The following SLCO1B3 variants were observed in gnomAD, a reference collection of about 807,000 sequenced individuals.
SLCO1B3 encodes the protein liver-specific organic anion transporter 2.
Under a neutral mutation model 71.8 loss-of-function variants are expected in SLCO1B3, and 72 were observed. The ratio of observed to expected loss-of-function variants is 1.00; its 90% confidence interval spans 0.83 to 1.22. The LOEUF is 1.22. Ranked by LOEUF, SLCO1B3 falls within the 50% of genes most tolerant of loss-of-function variation. The pLI, the probability that SLCO1B3 is intolerant of heterozygous loss-of-function variation, is 0.00. For missense variants in SLCO1B3, 911 were observed against 819.7 expected, an observed-to-expected ratio of 1.11 and a Z score of -1.36; for synonymous variants, 298 against 278.4, an observed-to-expected ratio of 1.07 and a Z score of -0.70.
In SLCO1B3 at chr12:20,854,276, A is replaced by G. The variant is rs114281070; in HGVS notation, c.85-752A>G. 2.6e-3 allele frequency among the ~76,000 whole-genome samples: 395 copies of G among 150,356 alleles called. 2 individuals carry two copies. The highest frequency in any genetic ancestry group is 8.8e-3 in the African/African-American group (363 of 41,248). On this transcript the variant is annotated intron_variant, in intron 3 of 15. Coordinates refer to ENST00000381545, the MANE Select transcript of SLCO1B3 (RefSeq NM_019844.4). ...ATGATAGTCTCCCTGGTTGTTCTGT[A>G]TATGAATGAATGCAGGATATTGAAG...
At chr12:20,862,715 T>A in intron 7 of SLCO1B3, 41 bp from the exon 8 acceptor site, 1 of 1,519,792 alleles carries the variant, frequency 6.6e-7, no homozygotes, top group East Asian at 2.3e-5. Context: ...GAAAACCAAG[T>A]ATTTGTGACA....
intron 8 of SLCO1B3, among the ~76,000 whole-genome samples, chr12:20,872,741 G>A (rs1377649727): frequency 6.6e-6 from 1 of 152,040 alleles, no homozygotes; most frequent in African/African-American, 2.4e-5. Context: ...CCATGAGTTA[G>A]GGCCTCAAAA....
intron 15 of SLCO1B3, among the ~76,000 whole-genome samples, chr12:20,915,125 A>C (rs1866466257): frequency 6.6e-6 from 1 of 151,268 alleles, no homozygotes; most frequent in South Asian, 2.1e-4. Flanking sequence ...CCCTTCAAGT[A>C]TTTTCATTAT....
In SLCO1B3 at chr12:20,903,824, C is replaced by A. The variant is rs1211024393; in HGVS notation, c.1865+2357C>A. ...CTTCTCATATTGCAAAATACAGTTACCCTTCTCAACAGTCCCCGTGTCTTA... is the reference window on the plus strand; with the variant it reads ...CTTCTCATATTGCAAAATACAGTTAACCTTCTCAACAGTCCCCGTGTCTTA... On this transcript the variant is annotated intron_variant, in intron 15 of 15. Coordinates refer to ENST00000381545, the MANE Select transcript of SLCO1B3 (RefSeq NM_019844.4). Among the ~76,000 whole-genome samples the A allele has an allele frequency of 2.6e-5, 4 of 152,148 alleles. No homozygotes were observed. In the East Asian group the frequency reaches 5.8e-4, roughly 22 times the overall value.
At chr12:20,913,483 G>C (rs960864173) in intron 15 of SLCO1B3, among the ~76,000 whole-genome samples, 1 of 152,018 alleles carries the variant, frequency 6.6e-6, no homozygotes, top group Non-Finnish European at 1.5e-5. Flanking sequence ...TACATGTTAA[G>C]TATTGTTCTG....
intron 15 of SLCO1B3, among the ~76,000 whole-genome samples, chr12:20,902,520 A>G (rs573860391): frequency 1.3e-5 from 2 of 152,288 alleles, no homozygotes; most frequent in Admixed American, 6.5e-5. Context: ...TATGGACACA[A>G]AGAAGGGAAC....
chr12:20,834,488 T>C (rs1274544168), intron 3 of SLCO1B3, among the ~76,000 whole-genome samples: 1 of 147,820 alleles, frequency 6.8e-6, no homozygotes, highest in Non-Finnish European at 1.5e-5. Flanking sequence ...TATTATAATA[T>C]ATATTATGAT....
chr12:20,812,362 C>T (rs1379013958), intron 1 of SLCO1B3, among the ~76,000 whole-genome samples: 2 of 150,316 alleles, frequency 1.3e-5, no homozygotes, highest in Non-Finnish European at 3.0e-5. Context: ...AATGATTATT[C>T]GGGTATGTTC....
At chr12:20,876,971 C>T (rs1371608434) in intron 9 of SLCO1B3, among the ~76,000 whole-genome samples, 2 of 152,048 alleles carry the variant, frequency 1.3e-5, no homozygotes, top group African/African-American at 4.8e-5. Context: ...GCTGGGACTA[C>T]AGGCACACAC....
chr12:20,829,624 G>A (rs1249182211), intron 3 of SLCO1B3, among the ~76,000 whole-genome samples: 1 of 152,154 alleles, frequency 6.6e-6, no homozygotes, highest in Non-Finnish European at 1.5e-5. Flanking sequence ...CACAAGAGAG[G>A]GTTCTTGGAT....
intron 8 of SLCO1B3, among the ~76,000 whole-genome samples, chr12:20,863,634 C>T (rs4149125): frequency 0.034 from 5,221 of 152,180 alleles, 243 homozygotes; most frequent in African/African-American, 0.098. Flanking sequence ...CATCTGCACC[C>T]TCTCTTTTCC....
intron 3 of SLCO1B3, among the ~76,000 whole-genome samples, chr12:20,838,639 C>G (rs1864734262): frequency 6.6e-6 from 1 of 151,978 alleles, no homozygotes; most frequent in Admixed American, 6.6e-5. Context: ...ACCTTTACAG[C>G]CTGTTATTGT....
intron 2 of SLCO1B3, among the ~76,000 whole-genome samples, chr12:20,814,486 T>A (rs1349320562): frequency 6.6e-6 from 1 of 152,052 alleles, no homozygotes; most frequent in Admixed American, 6.6e-5. Context: ...ATAAGCAAAA[T>A]GAGGACTTTT....
chr12:20,853,328 G>C (rs1470596818), intron 3 of SLCO1B3, among the ~76,000 whole-genome samples: 1 of 151,984 alleles, frequency 6.6e-6, no homozygotes, highest in Non-Finnish European at 1.5e-5. Flanking sequence ...TTCTTTAGGA[G>C]TTTGGTAAAA....
At chr12:20,883,338 C>A in intron 12 of SLCO1B3, 80 bp from the exon 13 acceptor site, 1 of 814,198 alleles carries the variant, frequency 1.2e-6, no homozygotes. Flanking sequence ...TTTGAGACTT[C>A]TTTAAATATA....
chr12:20,870,681 AT>A (rs1865459089), intron 8 of SLCO1B3, among the ~76,000 whole-genome samples: 2 of 152,140 alleles, frequency 1.3e-5, no homozygotes, highest in African/African-American at 4.8e-5. Context: ...GTTGGTCTAC[AT>A]ATCTATCTTT....
At chr12:20,895,203 AT>A (rs1865980877) in intron 13 of SLCO1B3, among the ~76,000 whole-genome samples, 1 of 151,976 alleles carries the variant, frequency 6.6e-6, no homozygotes, top group East Asian at 1.9e-4. Context: ...TCCCCTCCAA[AT>A]CTCATGTCCT....
At chr12:20,825,494 C>G (rs1864401692) in intron 3 of SLCO1B3, among the ~76,000 whole-genome samples, 2 of 151,936 alleles carry the variant, frequency 1.3e-5, no homozygotes, top group South Asian at 4.2e-4. Context: ...GAAGTAAAAG[C>G]CCTTTAATTT....
At chr12:20,818,442 C>G (rs922183848) in intron 3 of SLCO1B3, among the ~76,000 whole-genome samples, 1 of 151,974 alleles carries the variant, frequency 6.6e-6, no homozygotes, top group Non-Finnish European at 1.5e-5. Flanking sequence ...ATAGGAAAGG[C>G]CTCTACCTAT....
Sources: allele counts gnomAD v4.1 joint callset (sites outside exome capture counted in the v4.1 genomes callset), GRCh38; gene constraint gnomAD v4.1.1; transcripts MANE v1.5; gene names NCBI Gene and HGNC (gene_info 2026-07-23, HGNC 2026-07-21).